SLC43A2: variants seen among roughly 807,000 people sequenced by gnomAD.
SLC43A2 encodes solute carrier family 43 member 2.
Under a neutral mutation model 63.2 loss-of-function variants are expected in SLC43A2, and 38 were observed. That is an observed-to-expected ratio of 0.60 (90% confidence interval 0.46 to 0.79). SLC43A2 has a LOEUF of 0.79. Among genes scored for constraint, SLC43A2 ranks in the 30% least tolerant of loss-of-function variants. SLC43A2 has a pLI of 0.00. For missense variants in SLC43A2, 644 were observed against 756.2 expected (o/e 0.85, Z 1.74); for synonymous variants, 322 against 331.0 (o/e 0.97, Z 0.30).
chr17:1,615,582 G>T (rs1205352883), intron 3 of SLC43A2, among the ~76,000 whole-genome samples: 1 of 148,830 alleles, frequency 6.7e-6, no homozygotes. Context: ...GATGGCTCAC[G>T]CCTGTAATCC....
At chr17:1,579,622 G>T (rs2075982614) in intron 11 of SLC43A2, among the ~76,000 whole-genome samples, 1 of 151,990 alleles carries the variant, frequency 6.6e-6, no homozygotes, top group Non-Finnish European at 1.5e-5. Flanking sequence ...GATCACTTGA[G>T]CCCAGGAGTT....
At chr17:1,609,084 A>T (rs1256772324) in intron 5 of SLC43A2, among the ~76,000 whole-genome samples, 2 of 152,248 alleles carry the variant, frequency 1.3e-5, no homozygotes, top group Admixed American at 6.5e-5. Flanking sequence ...AATAAATTTT[A>T]AAAATGGCAT....
rs541329123 is a variant in SLC43A2, at chr17:1,621,488, G to A, written c.161-4719C>T. ...GAAGCAGCATCTCAGTCCTCAGTCC[G>A]GCAGGGGAGATGTAGGTGAGAGGTC... On this transcript the variant is annotated intron_variant, in intron 2 of 13. Transcript: ENST00000301335. Among the ~76,000 whole-genome samples, 8 of 151,982 alleles carry A rather than the reference G, an allele frequency of 5.3e-5. No individual in the cohort carries two copies. In the East Asian group the frequency reaches 9.6e-4, roughly 18 times the overall value.
At chr17:1,629,732 C>T (rs1475349016), upstream of SLC43A2, among the ~76,000 whole-genome samples, 1 of 152,218 alleles carries the variant, frequency 6.6e-6, no homozygotes, top group African/African-American at 2.4e-5. Flanking sequence ...GGGAAGGTCC[C>T]CTCTGCAGGG....
chr17:1,616,358 T>TTTCTTA (rs1907661297), intron 3 of SLC43A2: 1 of 567,684 alleles, frequency 1.8e-6, no homozygotes, highest in Admixed American at 3.4e-5. Flanking sequence ...GCCTGGAGCT[T>TTTCTTA]TTCTTATTCG....
chr17:1,582,141 G>A (rs149816881), intron 11 of SLC43A2, among the ~76,000 whole-genome samples: 2,645 of 151,388 alleles, frequency 0.017, 35 homozygotes, highest in Non-Finnish European at 0.024. Flanking sequence ...GTGCAGTGGC[G>A]CGATCTCAGT....
intron 10 of SLC43A2, among the ~76,000 whole-genome samples, chr17:1,585,075 C>T (rs535835553): frequency 2.4e-4 from 36 of 152,172 alleles, no homozygotes; most frequent in African/African-American, 7.7e-4. Context: ...GAGCCGGGCG[C>T]GGTGCCTCAT....
rs768069504 is a variant in SLC43A2, at chr17:1,583,314, GCTT to G, written c.1237_1239del (p.Lys413del). Reference sequence around the variant, plus strand: ...GTGATCTTCTGGATCTGCCGGTCCCGCTTCTTCTTTTTCTTCTCGCCTCTGTGG... The same window carrying G: ...GTGATCTTCTGGATCTGCCGGTCCCGCTTCTTTTTCTTCTCGCCTCTGTGG... On this transcript the variant is annotated inframe_deletion, in exon 11 of 14. Transcript: ENST00000301335. The surrounding 1 kb of genome is among the most constrained non-coding windows in gnomAD (Gnocchi z 5.5). 61 of 1,614,134 alleles carry G rather than the reference GCTT, an allele frequency of 3.8e-5. No individual in the cohort carries two copies. The Admixed American group carries it at 7.3e-4, about 19-fold the overall frequency.
At chr17:1,604,738 AC>A (rs1353176986) in intron 5 of SLC43A2, 3 of 1,535,052 alleles carry the variant, frequency 2.0e-6, no homozygotes, top group Non-Finnish European at 2.6e-6. Flanking sequence ...CCCTGCCCTC[AC>A]CTCCTGCTGT....
In SLC43A2 at chr17:1,593,136, A is replaced by C; in HGVS notation, c.594+51T>G. 1 of 1,558,038 alleles carries C rather than the reference A, an allele frequency of 6.4e-7. No individual in the cohort carries two copies. The highest frequency in any genetic ancestry group is 8.8e-7 in the Non-Finnish European group (1 of 1,138,158). On this transcript the variant is annotated intron_variant, in intron 6 of 13. Transcript: ENST00000301335. The surrounding 1 kb of genome is among the most constrained non-coding windows in gnomAD (Gnocchi z 5.3). ...CTCCCTCTTCAGAGAGGGTGGAAGGAGCCTGGAGCAGGCCTCTGCACAGAC... is the reference window on the plus strand; with the variant it reads ...CTCCCTCTTCAGAGAGGGTGGAAGGCGCCTGGAGCAGGCCTCTGCACAGAC...
At chr17:1,581,211 C>CACACACACACACACACA (rs1236169866) in intron 11 of SLC43A2, among the ~76,000 whole-genome samples, 2 of 151,988 alleles carry the variant, frequency 1.3e-5, no homozygotes. Flanking sequence ...CCCACACACA[C>CACACACACACACACACA]ACACACACAC....
At position 1,576,612 on chromosome 17, in the gene SLC43A2, CT is replaced by C. The variant is rs1258469805; in HGVS notation, c.1532del (p.Gln511ArgfsTer7). The C allele has an allele frequency of 6.2e-7, 1 of 1,608,436 alleles. No homozygotes were observed. Among genetic ancestry groups the C allele is most frequent in the Non-Finnish European group, 8.5e-7 (1 of 1,179,836 alleles). On this transcript the variant is annotated frameshift_variant, in exon 13 of 14. Coordinates refer to ENST00000301335, the MANE Select transcript of SLC43A2 (RefSeq NM_152346.3). LOFTEE classifies it high-confidence loss of function. Reference protein sequence around the residue: ...PLFLAMMGPLQGDPLWVNVGL... With the variant: ...PLFLAMMGPLXGDPLWVNVGL... Reference sequence around the variant, plus strand: ...CCCCTCTTACCCACAGAGGGTCTCCCTGGAGAGGACCCATCATGGCCAGAAA... The same window carrying C: ...CCCCTCTTACCCACAGAGGGTCTCCCGGAGAGGACCCATCATGGCCAGAAA...
rs554608831 is a variant in SLC43A2 at position 1,615,169 on chromosome 17, G to A, written c.369-135C>T. The A allele has an allele frequency of 2.3e-4, 226 of 974,068 alleles. 2 individuals are homozygous for A. The South Asian group carries it at 3.1e-3, about 13-fold the overall frequency. 60.3% of individuals were successfully genotyped at this position (974,068 alleles called of 1,614,324 possible). Reference sequence around the variant, plus strand: ...GTCACCCGGGCTGGAGTGCAGTGGCGCGATCTCGGCTCACTGCAACCTCCG... The same window carrying A: ...GTCACCCGGGCTGGAGTGCAGTGGCACGATCTCGGCTCACTGCAACCTCCG... On this transcript the variant is annotated intron_variant, in intron 3 of 13. Transcript: ENST00000301335.
intron 9 of SLC43A2, among the ~76,000 whole-genome samples, chr17:1,589,075 G>A (rs558421676): frequency 1.2e-4 from 19 of 152,344 alleles, no homozygotes; most frequent in African/African-American, 4.3e-4. Context: ...AGAAGGAGGA[G>A]GGGGAAAACC....
At position 1,583,446 on chromosome 17, in the gene SLC43A2, GA is replaced by G; in HGVS notation, c.1218-111del. ...AGCAGGTAAACTGACGCAAGACTCA[GA>G]AGCCACCCAGGCACGTTTTAGGGAC... On this transcript the variant is annotated intron_variant, in intron 10 of 13. Transcript: ENST00000301335. This position sits in a 1 kb window ranked among gnomAD's most constrained non-coding sequence, Gnocchi z 5.5. 6.5e-7 allele frequency: 1 copy of G among 1,542,032 alleles called. No homozygotes were observed. Among genetic ancestry groups the G allele is most frequent in the South Asian group, 1.2e-5 (1 of 83,138 alleles).
At position 1,575,400 on chromosome 17, in the gene SLC43A2, C is replaced by CA. The variant is rs1211909256; in HGVS notation, c.*203_*204insT. 3 of 659,438 alleles carry CA rather than the reference C, an allele frequency of 4.5e-6. No homozygotes were observed. The African/African-American group carries it at 5.5e-5, about 12-fold the overall frequency. 40.8% of individuals were successfully genotyped at this position (659,438 alleles called of 1,614,324 possible). A position where few individuals can be genotyped will look rare whatever the true frequency, so the allele number is the denominator to read the frequency against. ...CAGAGCAAAGTCAGGGCAGCCCCTG[C>CA]GTTCGGCAGGAGAAAACGCGCGTGT... On this transcript the variant is annotated 3_prime_UTR_variant, in exon 14 of 14. Coordinates refer to ENST00000301335, the MANE Select transcript of SLC43A2 (RefSeq NM_152346.3).
At chr17:1,629,222 C>T (rs936751695), upstream of SLC43A2, among the ~76,000 whole-genome samples, 2 of 152,110 alleles carry the variant, frequency 1.3e-5, no homozygotes, top group Non-Finnish European at 2.9e-5. Context: ...GCCGGGCTCT[C>T]CCGCGGCCGC....
chr17:1,625,116 G>A (rs1908554155), intron 2 of SLC43A2, among the ~76,000 whole-genome samples: 1 of 152,178 alleles, frequency 6.6e-6, no homozygotes, highest in Non-Finnish European at 1.5e-5. Flanking sequence ...GGACGAGGGA[G>A]GCATCCAGCA....
At chr17:1,623,038 A>G (rs1197814721) in intron 2 of SLC43A2, among the ~76,000 whole-genome samples, 1 of 151,608 alleles carries the variant, frequency 6.6e-6, no homozygotes, top group East Asian at 1.9e-4. Flanking sequence ...CCCGAGAGGC[A>G]GAGGTTACAG....
Sources: allele counts gnomAD v4.1 joint callset (sites outside exome capture counted in the v4.1 genomes callset), GRCh38; gene constraint gnomAD v4.1.1; non-coding constraint Gnocchi (gnomAD v3.1); transcripts MANE v1.5; gene names NCBI Gene and HGNC (gene_info 2026-07-23, HGNC 2026-07-21).